SMC1B: variants seen among roughly 807,000 people sequenced by gnomAD.
The protein encoded by SMC1B is structural maintenance of chromosomes protein 1B.
SMC1B carries 60 observed loss-of-function variants against 157.9 expected under a neutral mutation model. That is an observed-to-expected ratio of 0.38 (90% confidence interval 0.31 to 0.47). The LOEUF (loss-of-function observed/expected upper bound fraction) is 0.47. Among genes scored for constraint, SMC1B ranks in the 20% least tolerant of loss-of-function variants. The pLI, the probability that SMC1B is intolerant of heterozygous loss-of-function variation, is 0.99. For synonymous variants in SMC1B, 445 were observed against 483.0 expected (o/e 0.92, Z 1.03); for missense variants, 1,165 against 1,426.2 (o/e 0.82, Z 2.95).
chr22:45,404,518 A>T (rs1260530780), intron 4 of SMC1B, among the ~76,000 whole-genome samples: 1 of 152,170 alleles, frequency 6.6e-6, no homozygotes, highest in Non-Finnish European at 1.5e-5. Flanking sequence ...AAACATTTAC[A>T]ATGTATTCTC....
chr22:45,378,681 C>T (rs1271640468), intron 12 of SMC1B, among the ~76,000 whole-genome samples: 1 of 152,088 alleles, frequency 6.6e-6, no homozygotes, highest in Non-Finnish European at 1.5e-5. Context: ...CTTAACCTTT[C>T]CTTCTAAGAG....
At chr22:45,349,915 G>T in intron 22 of SMC1B, 118 bp from the exon 23 acceptor site, 1 of 787,022 alleles carries the variant, frequency 1.3e-6, no homozygotes, top group Non-Finnish European at 2.0e-6. Flanking sequence ...ATATTTCTAA[G>T]TAATCGGTGA....
chr22:45,371,370 A>G (rs577268290), intron 14 of SMC1B, 101 bp downstream of exon 14: 2 of 1,382,762 alleles, frequency 1.4e-6, no homozygotes, highest in East Asian at 3.0e-5. Flanking sequence ...GGGCACTGTT[A>G]CCTATCAACC....
At chr22:45,387,254 C>T (rs2086999169) in intron 10 of SMC1B, among the ~76,000 whole-genome samples, 1 of 152,114 alleles carries the variant, frequency 6.6e-6, no homozygotes, top group South Asian at 2.1e-4. Flanking sequence ...TCGAGACCAG[C>T]CTGGCCAACA....
At chr22:45,360,232 A>T (rs775160573) in intron 17 of SMC1B, among the ~76,000 whole-genome samples, 1 of 152,174 alleles carries the variant, frequency 6.6e-6, no homozygotes, top group Non-Finnish European at 1.5e-5. Context: ...TCCTCACTCA[A>T]ATATAAGCTC....
chr22:45,376,531 T>C (rs974395125), intron 12 of SMC1B, among the ~76,000 whole-genome samples: 3 of 152,336 alleles, frequency 2.0e-5, no homozygotes, highest in Non-Finnish European at 4.4e-5. Context: ...CCTACTTTCT[T>C]GTTTTGGGTA....
chr22:45,371,149 G>T lies in SMC1B; in HGVS notation c.2313+322C>A, dbSNP rs931794751. Among the ~76,000 whole-genome samples the T allele has an allele frequency of 2.0e-5, 3 of 152,270 alleles. No individual in the cohort carries two copies. In the East Asian group the frequency reaches 5.8e-4, roughly 29 times the overall value. ...GTGAATAAATAACCTTAAAAGATAA[G>T]CTGAATGACAGTTCTTTCCCTCATG... On this transcript the variant is annotated intron_variant, in intron 14 of 24. Transcript: ENST00000357450.
At chr22:45,365,208 T>C (rs2086763970) in intron 15 of SMC1B, among the ~76,000 whole-genome samples, 1 of 152,154 alleles carries the variant, frequency 6.6e-6, no homozygotes, top group Non-Finnish European at 1.5e-5. Flanking sequence ...TCAAGTGCCA[T>C]TTATATACGG....
intron 16 of SMC1B, 129 bp downstream of exon 16, chr22:45,362,756 T>C: frequency 1.4e-6 from 1 of 738,162 alleles, no homozygotes; most frequent in Non-Finnish European, 2.2e-6. Flanking sequence ...GATTTTACTT[T>C]AAGTATTTCT....
intron 15 of SMC1B, among the ~76,000 whole-genome samples, chr22:45,365,426 G>A (rs1377055967): frequency 1.3e-5 from 2 of 152,276 alleles, no homozygotes; most frequent in East Asian, 1.9e-4. Context: ...AGATTAGGCC[G>A]AGCATGGTGG....
At chr22:45,374,918 C>G (rs1295236605) in intron 12 of SMC1B, among the ~76,000 whole-genome samples, 1 of 152,040 alleles carries the variant, frequency 6.6e-6, no homozygotes, top group East Asian at 1.9e-4. Flanking sequence ...AGAAATAAAC[C>G]ATCCTAGCCA....
chr22:45,403,838 A>G (rs979693876), intron 4 of SMC1B, among the ~76,000 whole-genome samples: 7 of 152,190 alleles, frequency 4.6e-5, no homozygotes, highest in African/African-American at 1.7e-4. Context: ...AATAAACACA[A>G]GGACTAAACT....
intron 9 of SMC1B, among the ~76,000 whole-genome samples, chr22:45,391,564 G>A (rs2087059257): frequency 6.6e-6 from 1 of 152,128 alleles, no homozygotes; most frequent in South Asian, 2.1e-4. Flanking sequence ...GAGTAGCTCT[G>A]TTCAGATCTT....
At chr22:45,379,044 A>G (rs990936331) in intron 12 of SMC1B, among the ~76,000 whole-genome samples, 1 of 152,012 alleles carries the variant, frequency 6.6e-6, no homozygotes, top group Non-Finnish European at 1.5e-5. Flanking sequence ...GTGAAGCGGC[A>G]TGATCTTGGC....
intron 1 of SMC1B, among the ~76,000 whole-genome samples, chr22:45,413,143 G>A (rs990155026): frequency 1.3e-5 from 2 of 152,172 alleles, no homozygotes; most frequent in African/African-American, 4.8e-5. Flanking sequence ...TCGGAGGAGG[G>A]TCGGGAGCCA....
At position 45,372,172 on chromosome 22, in the gene SMC1B, G is replaced by C. The variant is rs762578668; in HGVS notation, c.2179C>G (p.Leu727Val). ...TATATTACCTGGTAAAAAGCAACAA[G>C]GTGCTTCTTCTTAATCATCTCTAGT... Reference protein sequence around the residue: ...NELEMIKKKHLVAFYQEQSQL... With the variant: ...NELEMIKKKHVVAFYQEQSQL... Residue 727 changes from leucine (L) to valine (V), a missense_variant, in exon 13 of 25, where the codon CTT becomes GTT. By Grantham distance (32) the Leu-to-Val change is conservative (BLOSUM62 1). Coordinates refer to ENST00000357450, the MANE Select transcript of SMC1B (RefSeq NM_148674.5). 4 of 1,606,430 alleles carry C rather than the reference G, an allele frequency of 2.5e-6. No individual in the cohort carries two copies. Among genetic ancestry groups the C allele is most frequent in the Non-Finnish European group, 3.4e-6 (4 of 1,177,546 alleles).
chr22:45,405,530 G>GA (rs934207457), intron 4 of SMC1B, among the ~76,000 whole-genome samples: 57 of 144,384 alleles, frequency 3.9e-4, no homozygotes, highest in East Asian at 4.0e-4. Context: ...CCAGCCTGGG[G>GA]AAAAAAAAAA....
At chr22:45,347,046 C>G (rs1031234434) in intron 23 of SMC1B, among the ~76,000 whole-genome samples, 5 of 152,178 alleles carry the variant, frequency 3.3e-5, no homozygotes, top group African/African-American at 1.2e-4. Context: ...AAAAAGACAG[C>G]CACCAAGATT....
At chr22:45,350,038 A>G (rs1405093654) in intron 22 of SMC1B, among the ~76,000 whole-genome samples, 1 of 152,246 alleles carries the variant, frequency 6.6e-6, no homozygotes, top group East Asian at 1.9e-4. Context: ...GTGACTTGTA[A>G]GGGGACACAG....
Sources: allele counts gnomAD v4.1 joint callset (sites outside exome capture counted in the v4.1 genomes callset), GRCh38; gene constraint gnomAD v4.1.1; transcripts MANE v1.5; gene names NCBI Gene and HGNC (gene_info 2026-07-23, HGNC 2026-07-21).